The following AATK variants were observed in gnomAD, a reference collection of about 807,000 sequenced individuals.
AATK encodes lemur tail kinase 1.
In AATK, 91 loss-of-function variants were observed where a neutral mutation model predicts 114.3. The observed-to-expected ratio is 0.80, with a 90% CI of 0.67 to 0.95. The LOEUF (loss-of-function observed/expected upper bound fraction) is 0.95, where lower values mean the gene tolerates loss of function less well. AATK is among the 40% of genes least tolerant of loss of function. The pLI, the probability that AATK is intolerant of heterozygous loss-of-function variation, is 0.00. For synonymous variants in AATK, 1,075 were observed against 916.5 expected, an observed-to-expected ratio of 1.17 and a Z score of -3.12; for missense variants, 2,176 against 1,965.2, an observed-to-expected ratio of 1.11 and a Z score of -2.03.
Position 81,122,655 on chromosome 17 carries a change from C to A in AATK, c.1281G>T (p.Gly427=). The change falls in exon 11 of 14, where the codon GGG becomes GGT. Residue 427 remains glycine (G), a synonymous_variant. Transcript: ENST00000326724. ...CCAGCATGGGCCCCGCCGCACCGGG[C>A]CCGGGCCCCACGCCGCCCCCGCCGG... is the stretch of plus-strand genomic sequence containing the variant. ...LRPGGGGVGP[G]PGAAGPMLGG... The A allele has an allele frequency of 2.0e-6, 3 of 1,492,246 alleles. No homozygotes were observed. Among genetic ancestry groups the A allele is most frequent in the Non-Finnish European group, 2.7e-6 (3 of 1,117,012 alleles). The allele number at this position is 1,492,246 out of a possible 1,614,324, so 92.4% of individuals were successfully genotyped here.
intron 1 of AATK, among the ~76,000 whole-genome samples, chr17:81,162,474 G>T (rs982739757): frequency 2.0e-5 from 3 of 152,176 alleles, no homozygotes; most frequent in Non-Finnish European, 4.4e-5. Context: ...TGGTGCCCGG[G>T]CAGTGTCAGC....
chr17:81,125,018 C>T lies in AATK; in HGVS notation c.756-4G>A, dbSNP rs1276358577. On this transcript the variant is annotated splice_polypyrimidine_tract_variant and splice_region_variant and intron_variant, in intron 7 of 13. Transcript: ENST00000326724. Reference sequence around the variant, plus strand: ...GCAGTTCCGCAGGGCCAGGTCGCTGCAGGCAGGGGCAGGGGCAGGGGCAGG... The same window carrying T: ...GCAGTTCCGCAGGGCCAGGTCGCTGTAGGCAGGGGCAGGGGCAGGGGCAGG... 4 of 1,521,838 alleles carry T rather than the reference C, an allele frequency of 2.6e-6. No homozygotes were observed. Among genetic ancestry groups the T allele is most frequent in the Admixed American group, 2.0e-5 (1 of 50,284 alleles). The allele number at this position is 1,521,838 out of a possible 1,614,324, so 94.3% of individuals were successfully genotyped here.
At chr17:81,160,669 C>T (rs1567830166) in intron 1 of AATK, among the ~76,000 whole-genome samples, 1 of 152,242 alleles carries the variant, frequency 6.6e-6, no homozygotes, top group Admixed American at 6.5e-5. Context: ...GGGACAGGAC[C>T]GCAGGCCGAG....
intron 1 of AATK, among the ~76,000 whole-genome samples, chr17:81,151,402 G>A (rs989016932): frequency 3.0e-5 from 2 of 67,184 alleles, no homozygotes; most frequent in African/African-American, 7.9e-5. Flanking sequence ...ATGACGCAAG[G>A]CTCCTGGGGC....
chr17:81,164,586 C>A (rs2061463841), intron 1 of AATK, among the ~76,000 whole-genome samples: 1 of 152,256 alleles, frequency 6.6e-6, no homozygotes, highest in African/African-American at 2.4e-5. Context: ...AAGGGCCTCT[C>A]ATGGCCAAGG....
intron 1 of AATK, among the ~76,000 whole-genome samples, chr17:81,164,309 GGTGC>G (rs545716943): frequency 2.9e-4 from 44 of 152,260 alleles, no homozygotes; most frequent in Non-Finnish European, 4.7e-4. Flanking sequence ...CATGGGGGCT[GGTGC>G]AGAGCCTAGA....
At chr17:81,118,705 G>A (rs1195030832) in intron 13 of AATK, among the ~76,000 whole-genome samples, 1 of 152,260 alleles carries the variant, frequency 6.6e-6, no homozygotes. Flanking sequence ...GGATGGCCAA[G>A]GTCATGCAGT....
intron 1 of AATK, among the ~76,000 whole-genome samples, chr17:81,147,127 C>T (rs559265893): frequency 1.3e-5 from 2 of 151,592 alleles, no homozygotes; most frequent in African/African-American, 4.8e-5. Flanking sequence ...CTCTGGGAGG[C>T]CGAGGCAGAC....
chr17:81,124,174 C>A, intron 9 of AATK, among the ~76,000 whole-genome samples: 1 of 123,266 alleles, frequency 8.1e-6, no homozygotes, highest in East Asian at 2.3e-4. Flanking sequence ...GTGGTGGGGG[C>A]GGTTGGGGAA....
chr17:81,165,761 C>A, intron 1 of AATK, 177 bp downstream of exon 1: 1 of 1,519,540 alleles, frequency 6.6e-7, no homozygotes, highest in Non-Finnish European at 8.8e-7. Context: ...TGTGCTGGGG[C>A]CCAGGGCCTG....
chr17:81,122,715 C>G lies in AATK; in HGVS notation c.1221G>C (p.Glu407Asp), dbSNP rs2060715557. The change falls in exon 11 of 14, where the codon GAG (glutamate) becomes GAC (aspartate). Residue 407 changes from glutamate to aspartate, a missense_variant. Glu to Asp is a conservative substitution (Grantham distance 45, BLOSUM62 2). Coordinates refer to ENST00000326724, the MANE Select transcript of AATK (RefSeq NM_001080395.3). Reference sequence around the variant, plus strand: ...AGCGCCAGCGCCGTTCAAACTCCTCCTCTGCTTCGGTGGCGCCCTTGGCAC... The same window carrying G: ...AGCGCCAGCGCCGTTCAAACTCCTCGTCTGCTTCGGTGGCGCCCTTGGCAC... ...YLCAKGATEA[E>D]EEFERRWRSL... 1 of 1,585,874 alleles carries G rather than the reference C, an allele frequency of 6.3e-7. No homozygotes were observed. Among genetic ancestry groups the G allele is most frequent in the South Asian group, 1.1e-5 (1 of 86,998 alleles).
chr17:81,140,770 T>C (rs1377712255), intron 1 of AATK, among the ~76,000 whole-genome samples: 9 of 39,212 alleles, frequency 2.3e-4, no homozygotes, highest in African/African-American at 8.6e-4. Context: ...GCCGTGGGGC[T>C]GTGGGGCGGT....
Position 81,121,841 on chromosome 17 carries a change from C to G in AATK, c.2095G>C (p.Val699Leu). ...CCCTCAGCGTGGCCGCCCGCAGAGA[C>G]GGGGTCCCAGGACTCTGGACAGCGG... ...GSRCPESWDP[V>L]SAGGHAEGCP... Residue 699 changes from valine (V) to leucine (L), a missense_variant, in exon 11 of 14, where the codon GTC becomes CTC. Physicochemically the swap from Val to Leu is conservative, Grantham distance 32. Around this residue, in one of 4 missense-constraint regions of AATK, gnomAD observed 1,701 missense variants for 1,394.7 expected, o/e 1.22. Coordinates refer to ENST00000326724, the MANE Select transcript of AATK (RefSeq NM_001080395.3). 6.3e-7 allele frequency: 1 copy of G among 1,594,450 alleles called. No homozygotes were observed. The highest frequency in any genetic ancestry group is 8.5e-7 in the Non-Finnish European group (1 of 1,177,180).
At position 81,121,593 on chromosome 17, in the gene AATK, C is replaced by T. The variant is rs772864214; in HGVS notation, c.2343G>A (p.Lys781=). 2.7e-6 allele frequency: 4 copies of T among 1,504,694 alleles called. No individual in the cohort carries two copies. The highest frequency in any genetic ancestry group is 4.6e-5 in the Admixed American group (2 of 43,944). The allele number at this position is 1,504,694 out of a possible 1,614,324, so 93.2% of individuals were successfully genotyped here. The stretch of plus-strand genomic sequence containing the variant: ...TAGTGCCCTCAGCCTCCGTGGCAAG[C>T]TTGGGCTCTGCCTGCGGGTGGTCAC... The part of the protein sequence containing the change: ...SGGDHPQAEP[K]LATEAEGTTG... The change falls in exon 11 of 14, where the codon AAG becomes AAA. Residue 781 remains lysine, a synonymous_variant. Coordinates refer to ENST00000326724, the MANE Select transcript of AATK (RefSeq NM_001080395.3).
At chr17:81,164,415 A>G (rs1348419654) in intron 1 of AATK, among the ~76,000 whole-genome samples, 1 of 152,204 alleles carries the variant, frequency 6.6e-6, no homozygotes, top group African/African-American at 2.4e-5. Flanking sequence ...AGAGCCCAGC[A>G]GGTGCCTGCA....
chr17:81,133,460 G>C (rs1186189901), intron 2 of AATK: 1 of 292,996 alleles, frequency 3.4e-6, no homozygotes, highest in African/African-American at 2.3e-5. Flanking sequence ...GGTGCTGTGC[G>C]CGCTGCAGAA....
intron 1 of AATK, among the ~76,000 whole-genome samples, chr17:81,149,657 C>A (rs570724094): frequency 6.6e-6 from 1 of 152,332 alleles, no homozygotes; most frequent in South Asian, 2.1e-4. Context: ...GCTTGGCTCC[C>A]ATGGCCGTGG....
At position 81,122,644 on chromosome 17, in the gene AATK, G is replaced by A. The variant is rs1256190767; in HGVS notation, c.1292C>T (p.Ala431Val). ...GGGVGPGPGA[A>V]GPMLGGVVEL... The stretch of plus-strand genomic sequence containing the variant: ...CACCACGCCGCCCAGCATGGGCCCC[G>A]CCGCACCGGGCCCGGGCCCCACGCC... The change falls in exon 11 of 14, where the codon GCG (alanine) becomes GTG (valine). Residue 431 changes from alanine (A) to valine (V), a missense_variant. By Grantham distance (64) the Ala-to-Val change is moderately conservative. Coordinates refer to ENST00000326724, the MANE Select transcript of AATK (RefSeq NM_001080395.3). 11 of 1,458,270 alleles carry A rather than the reference G, an allele frequency of 7.5e-6. No homozygotes were observed. The highest frequency in any genetic ancestry group is 9.1e-6 in the Non-Finnish European group (10 of 1,101,240). 90.3% of individuals were successfully genotyped at this position (1,458,270 alleles called of 1,614,324 possible). A position where few individuals can be genotyped will look rare whatever the true frequency, so the allele number is the denominator to read the frequency against.
chr17:81,121,681 TG>T lies in AATK; in HGVS notation c.2254del (p.Gln752ArgfsTer93). 1 of 1,500,700 alleles carries T rather than the reference TG, an allele frequency of 6.7e-7. No individual in the cohort carries two copies. Among genetic ancestry groups the T allele is most frequent in the Non-Finnish European group, 8.9e-7 (1 of 1,129,614 alleles). 93.0% of individuals were successfully genotyped at this position (1,500,700 alleles called of 1,614,324 possible). On this transcript the variant is annotated frameshift_variant, in exon 11 of 14. Coordinates refer to ENST00000326724, the MANE Select transcript of AATK (RefSeq NM_001080395.3). LOFTEE classifies it high-confidence loss of function. The part of the protein sequence containing the change: ...CPGLPHLCSA[Q>X]GLAPAPCLVT... Reference sequence around the variant, plus strand: ...CAGGCAGGGAGCAGGTGCCAGGCCCTGGGCAGAGCATAGATGAGGGAGGCCG... The same window carrying T: ...CAGGCAGGGAGCAGGTGCCAGGCCCTGGCAGAGCATAGATGAGGGAGGCCG...
Sources: allele counts gnomAD v4.1 joint callset (sites outside exome capture counted in the v4.1 genomes callset), GRCh38; gene constraint gnomAD v4.1.1; regional missense constraint gnomAD v4.1.1; transcripts MANE v1.5; gene names NCBI Gene and HGNC (gene_info 2026-07-23, HGNC 2026-07-21).